Variants in AUTS2 observed in about 807,000 individuals in gnomAD.
AUTS2 encodes the protein activator of transcription and developmental regulator AUTS2.
A neutral mutation model predicts 112.4 loss-of-function variants in AUTS2; 17 were observed. The ratio of observed to expected loss-of-function variants is 0.15; its 90% CI spans 0.10 to 0.23. AUTS2 has a LOEUF of 0.23. AUTS2 is among the 10% of genes least tolerant of loss of function. AUTS2 has a pLI of 1.00. For synonymous variants in AUTS2, 751 were observed against 702.7 expected (o/e 1.07, Z -1.09); for missense variants, 1,510 against 1,701.6 (o/e 0.89, Z 1.98).
intron 5 of AUTS2, among the ~76,000 whole-genome samples, chr7:70,658,655 C>T (rs993607195): frequency 6.6e-6 from 1 of 152,204 alleles, no homozygotes; most frequent in Non-Finnish European, 1.5e-5. Context: ...AGGGCCAACA[C>T]AAAGAATTGC....
intron 1 of AUTS2, among the ~76,000 whole-genome samples, chr7:69,897,712 G>A (rs1436559269): frequency 4.6e-5 from 7 of 152,230 alleles, no homozygotes; most frequent in South Asian, 4.1e-4. Flanking sequence ...AGCCAAGGTC[G>A]TGCTGTTGCA....
intron 1 of AUTS2, among the ~76,000 whole-genome samples, chr7:69,648,149 A>G (rs1795118370): frequency 6.6e-6 from 1 of 152,160 alleles, no homozygotes; most frequent in Non-Finnish European, 1.5e-5. Context: ...AGTGCCTAGG[A>G]GATTCTGATG....
rs1791903940 is a variant in AUTS2, at chr7:70,790,886, A to G, written c.3670A>G (p.Ile1224Val). 5.6e-6 allele frequency: 9 copies of G among 1,600,290 alleles called. No individual in the cohort carries two copies. Among genetic ancestry groups the G allele is most frequent in the Non-Finnish European group, 7.7e-6 (9 of 1,172,874 alleles). Residue 1224 changes from isoleucine (I) to valine (V), a missense_variant, in exon 19 of 19, where the codon ATC becomes GTC. This residue lies in a region of AUTS2 where 788 missense variants were observed against 797.6 expected (regional missense o/e 0.99). Transcript: ENST00000342771. This position sits in a 1 kb window ranked among gnomAD's most constrained non-coding sequence, Gnocchi z 7.6. The stretch of plus-strand genomic sequence containing the variant: ...AGCGCTGAGCGCACCTCCCCCGCTC[A>G]TCTCCACGCTGGGGGGCCGCCCGGT... ...TAALSAPPPL[I>V]STLGGRPVSP...
At chr7:69,836,466 T>C (rs891365022) in intron 1 of AUTS2, among the ~76,000 whole-genome samples, 1 of 152,202 alleles carries the variant, frequency 6.6e-6, no homozygotes, top group East Asian at 1.9e-4. Flanking sequence ...GTTGAATTAT[T>C]TAAAGTGGAT....
chr7:70,528,293 A>T (rs548407623), intron 5 of AUTS2, among the ~76,000 whole-genome samples: 7 of 147,156 alleles, frequency 4.8e-5, no homozygotes, highest in East Asian at 2.0e-4. Flanking sequence ...AAAAAATAAT[A>T]AAAAAAAAAC....
At chr7:70,470,054 C>G (rs1797320784) in intron 5 of AUTS2, among the ~76,000 whole-genome samples, 1 of 152,188 alleles carries the variant, frequency 6.6e-6, no homozygotes, top group East Asian at 1.9e-4. Context: ...CGAGAAAGGC[C>G]TAGAAATTTT....
Position 70,076,460 on chromosome 7 carries a change from A to G in AUTS2, c.523-41672A>G, listed in dbSNP as rs77591553. 6.5e-3 allele frequency among the ~76,000 whole-genome samples: 990 copies of G among 152,338 alleles called. 8 individuals carry two copies. The highest frequency in any genetic ancestry group is 0.022 in the African/African-American group (925 of 41,576). On this transcript the variant is annotated intron_variant, in intron 2 of 18. Coordinates refer to ENST00000342771, the MANE Select transcript of AUTS2 (RefSeq NM_015570.4). Reference sequence around the variant, plus strand: ...TGTAAATCATTTAATTTAAAGTTGCAGTTTCCAAGAACCTATTGACTGTGC... The same window carrying G: ...TGTAAATCATTTAATTTAAAGTTGCGGTTTCCAAGAACCTATTGACTGTGC...
Position 69,684,883 on chromosome 7 carries a change from T to C in AUTS2, c.309+84921T>C, listed in dbSNP as rs182793570. Among the ~76,000 whole-genome samples, 3 of 152,034 alleles carry C rather than the reference T, an allele frequency of 2.0e-5. No homozygotes were observed. The East Asian group carries it at 5.8e-4, about 29-fold the overall frequency. ...TGTGAGATGGATTTTACTAGGGGAGTGGTTTTTCTGTAAGTTTTAGGTCAC... is the reference window on the plus strand; with the variant it reads ...TGTGAGATGGATTTTACTAGGGGAGCGGTTTTTCTGTAAGTTTTAGGTCAC... On this transcript the variant is annotated intron_variant, in intron 1 of 18. Coordinates refer to ENST00000342771, the MANE Select transcript of AUTS2 (RefSeq NM_015570.4).
chr7:70,106,821 G>T (rs1163733876), intron 2 of AUTS2, among the ~76,000 whole-genome samples: 1 of 152,014 alleles, frequency 6.6e-6, no homozygotes, highest in Non-Finnish European at 1.5e-5. Flanking sequence ...GTGATTGTTA[G>T]TACACATTTT....
chr7:70,158,686 C>G (rs575433215), intron 4 of AUTS2, among the ~76,000 whole-genome samples: 175 of 152,096 alleles, frequency 1.2e-3, no homozygotes, highest in African/African-American at 3.7e-3. Context: ...AGAGAAGCAG[C>G]CTGGACCTCT....
At chr7:70,612,331 C>A (rs1486389580) in intron 5 of AUTS2, among the ~76,000 whole-genome samples, 1 of 152,104 alleles carries the variant, frequency 6.6e-6, no homozygotes, top group African/African-American at 2.4e-5. Context: ...TACAGAGAGT[C>A]CCTGTAGAGA....
At position 69,698,823 on chromosome 7, in the gene AUTS2, G is replaced by A. The variant is rs535911605; in HGVS notation, c.309+98861G>A. Among the ~76,000 whole-genome samples the A allele has an allele frequency of 9.2e-5, 14 of 152,206 alleles. No homozygotes were observed. In the South Asian group the frequency reaches 2.9e-3, roughly 32 times the overall value. ...AACTTTTAAGTGCTAAAACTGCTGA[G>A]TTCTTGACTATCTGCACTTGGGGAG... On this transcript the variant is annotated intron_variant, in intron 1 of 18. Transcript: ENST00000342771.
intron 5 of AUTS2, among the ~76,000 whole-genome samples, chr7:70,459,757 T>G (rs1471955228): frequency 1.3e-5 from 2 of 152,296 alleles, no homozygotes; most frequent in African/African-American, 4.8e-5. Flanking sequence ...GATTGGAATG[T>G]AGACCTGGGA....
chr7:70,491,508 TTA>T (rs1030088600), intron 5 of AUTS2, among the ~76,000 whole-genome samples: 3 of 135,724 alleles, frequency 2.2e-5, no homozygotes, highest in Admixed American at 1.4e-4. Context: ...AATATATATG[TTA>T]TATATATACA....
chr7:70,487,214 C>A (rs1173569795), intron 5 of AUTS2, among the ~76,000 whole-genome samples: 1 of 151,876 alleles, frequency 6.6e-6, no homozygotes, highest in Non-Finnish European at 1.5e-5. Flanking sequence ...CCTCATCCTT[C>A]TCCTTTCCTC....
intron 2 of AUTS2, among the ~76,000 whole-genome samples, chr7:70,080,067 T>C (rs1803229272): frequency 6.6e-6 from 1 of 152,098 alleles, no homozygotes; most frequent in Non-Finnish European, 1.5e-5. Context: ...CACTTGGGGT[T>C]AAGTTTGCAA....
At chr7:69,701,037 T>C (rs2129188030) in intron 1 of AUTS2, among the ~76,000 whole-genome samples, 1 of 152,334 alleles carries the variant, frequency 6.6e-6, no homozygotes, top group South Asian at 2.1e-4. Flanking sequence ...ACCTTGTGGA[T>C]TCAGATTCCT....
intron 10 of AUTS2, 70 bp from the exon 11 acceptor site, chr7:70,771,479 G>A: frequency 7.5e-7 from 1 of 1,326,728 alleles, no homozygotes; most frequent in Non-Finnish European, 1.1e-6. Context: ...CTTTCTATGG[G>A]ACGGGAATTT....
intron 5 of AUTS2, among the ~76,000 whole-genome samples, chr7:70,459,520 C>G (rs1796877510): frequency 6.6e-6 from 1 of 152,196 alleles, no homozygotes; most frequent in Admixed American, 6.5e-5. Context: ...TGAGCCCCAG[C>G]TCTTTTAAAA....
Sources: gnomAD v4.1 joint callset for allele counts (sites outside exome capture counted in the v4.1 genomes callset) on GRCh38, gnomAD v4.1.1 for gene constraint, gnomAD v4.1.1 regional missense constraint, Gnocchi (gnomAD v3.1) non-coding constraint, MANE v1.5 for transcripts, NCBI Gene and HGNC (gene_info 2026-07-23, HGNC 2026-07-21) for gene names.